Variants in GPATCH3 observed in about 807,000 individuals in gnomAD.
The protein encoded by GPATCH3 is G patch domain-containing protein 3.
A neutral mutation model predicts 53.2 loss-of-function variants in GPATCH3; 45 were observed. That is an observed-to-expected ratio of 0.85 (90% CI 0.67 to 1.08). The LOEUF is 1.08. Ranked by LOEUF, GPATCH3 falls within the 50% of genes least tolerant of loss-of-function variation. GPATCH3 has a pLI of 0.00. For synonymous variants in GPATCH3, 280 were observed against 270.6 expected, an observed-to-expected ratio of 1.03 and a Z score of -0.34; for missense variants, 680 against 687.2, an observed-to-expected ratio of 0.99 and a Z score of 0.12.
At chr1:26,898,146 T>A (rs2081959191) in intron 1 of GPATCH3, among the ~76,000 whole-genome samples, 1 of 151,878 alleles carries the variant, frequency 6.6e-6, no homozygotes, top group Non-Finnish European at 1.5e-5. Context: ...AATAAATAAA[T>A]AAATAATAAA....
intron 6 of GPATCH3, among the ~76,000 whole-genome samples, chr1:26,892,041 CCAT>C (rs1191281610): frequency 6.6e-6 from 1 of 151,928 alleles, no homozygotes; most frequent in Non-Finnish European, 1.5e-5. Flanking sequence ...GGGGATTTCA[CCAT>C]GTTGGCCAGG....
intron 4 of GPATCH3, among the ~76,000 whole-genome samples, 154 bp downstream of exon 4, chr1:26,893,235 C>T (rs562122139): frequency 2.6e-5 from 4 of 152,350 alleles, no homozygotes; most frequent in East Asian, 1.9e-4. Flanking sequence ...TTAATGTACA[C>T]AACCAAAGAT....
chr1:26,892,781 G>T lies in GPATCH3; in HGVS notation c.1122C>A (p.Asp374Glu), dbSNP rs781229154. The change falls in exon 5 of 7, where the codon GAC (aspartate) becomes GAA (glutamate). Residue 374 changes from aspartate to glutamate, a missense_variant. Coordinates refer to ENST00000361720, the MANE Select transcript of GPATCH3 (RefSeq NM_022078.3). ...MSVYYDRDGGDKDARDSVQMR... is the reference protein window; with the variant it reads ...MSVYYDRDGGEKDARDSVQMR... ...TTTGGACAGAGTCTCGGGCATCCTT[G>T]TCTCCACCATCTGAGGAAACAGAGC... 3 of 1,613,970 alleles carry T rather than the reference G, an allele frequency of 1.9e-6. No individual in the cohort carries two copies. The highest frequency in any genetic ancestry group is 2.2e-5 in the East Asian group (1 of 44,870).
intron 2 of GPATCH3, 24 bp downstream of exon 2, chr1:26,897,277 G>C: frequency 6.2e-7 from 1 of 1,603,018 alleles, no homozygotes; most frequent in African/African-American, 1.3e-5. Flanking sequence ...TGCCAGCAAG[G>C]ACAGGGTAGC....
rs138814947 is a variant in GPATCH3 at position 26,900,410 on chromosome 1, C to G, written c.33G>C (p.Ala11=). The change falls in exon 1 of 7, where the codon GCG becomes GCC. Residue 11 remains alanine, a synonymous_variant. Transcript: ENST00000361720. The part of the protein sequence containing the change: MAVPGEAEEE[A]TVYLVVSGIP... ...TACCGCTCACTACCAGGTAAACTGT[C>G]GCCTCCTCCTCCGCCTCGCCGGGCA... 1 of 1,611,374 alleles carries G rather than the reference C, an allele frequency of 6.2e-7. No individual in the cohort carries two copies. The highest frequency in any genetic ancestry group is 2.2e-5 in the East Asian group (1 of 44,834).
chr1:26,897,510 A>G lies in GPATCH3; in HGVS notation c.667T>C (p.Phe223Leu), dbSNP rs772066425. The G allele has an allele frequency of 6.2e-7, 1 of 1,614,142 alleles. No individual in the cohort carries two copies. Among genetic ancestry groups the G allele is most frequent in the Non-Finnish European group, 8.5e-7 (1 of 1,180,026 alleles). Residue 223 changes from phenylalanine to leucine, a missense_variant, in exon 2 of 7, where the codon TTC becomes CTC. Coordinates refer to ENST00000361720, the MANE Select transcript of GPATCH3 (RefSeq NM_022078.3). ...PRIITQLQLQ[F>L]PKTGSSRRYG... ...CGCCGGGAGGAACCTGTCTTGGGGA[A>G]CTGGAGCTGCAGCTGGGTGATGATC...
intron 6 of GPATCH3, 73 bp downstream of exon 6, chr1:26,892,338 C>A: frequency 6.4e-7 from 1 of 1,560,722 alleles, no homozygotes; most frequent in Admixed American, 1.7e-5. Context: ...CATGCCAAAA[C>A]CAGTGGGAAG....
At chr1:26,898,147 AAAT>A (rs2081959226) in intron 1 of GPATCH3, among the ~76,000 whole-genome samples, 1 of 151,992 alleles carries the variant, frequency 6.6e-6, no homozygotes, top group Admixed American at 6.6e-5. Context: ...ATAAATAAAT[AAAT>A]AATAAAATAA....
At chr1:26,893,694 T>C (rs1222242809) in intron 3 of GPATCH3, among the ~76,000 whole-genome samples, 1 of 152,116 alleles carries the variant, frequency 6.6e-6, no homozygotes, top group Non-Finnish European at 1.5e-5. Flanking sequence ...CTAATTTTTG[T>C]ATTTTTCATA....
rs753742166 is a variant in GPATCH3, at chr1:26,900,040, G to A, written c.403C>T (p.Pro135Ser). The A allele has an allele frequency of 3.1e-6, 5 of 1,614,056 alleles. No individual in the cohort carries two copies. Among genetic ancestry groups the A allele is most frequent in the Non-Finnish European group, 4.2e-6 (5 of 1,180,048 alleles). ...AGTCTGCGGATGAGACAGCGACCCG[G>A]TAGCCAAGTCCCGTGAGAATCCAGC... ...RWLDSHGTWLPGRCLIRRLRL... is the reference protein window; with the variant it reads ...RWLDSHGTWLSGRCLIRRLRL... The change falls in exon 1 of 7, where the codon CCG becomes TCG. Residue 135 changes from proline to serine, a missense_variant. Coordinates refer to ENST00000361720, the MANE Select transcript of GPATCH3 (RefSeq NM_022078.3).
chr1:26,893,487 G>T, intron 3 of GPATCH3, 39 bp from the exon 4 acceptor site: 7 of 1,428,024 alleles, frequency 4.9e-6, no homozygotes, highest in South Asian at 1.1e-5. Flanking sequence ...GTACATTAAG[G>T]ACTCTCAGTT....
rs770823730 is a variant in GPATCH3, at chr1:26,900,443, C to T, written c.-1G>A. The stretch of plus-strand genomic sequence containing the variant: ...CCTCCGCCTCGCCGGGCACCGCCAT[C>T]TTGGATTGTCACATGATCAGCTAGA... On this transcript the variant is annotated 5_prime_UTR_variant, in exon 1 of 7. Coordinates refer to ENST00000361720, the MANE Select transcript of GPATCH3 (RefSeq NM_022078.3). 5.6e-6 allele frequency: 9 copies of T among 1,607,922 alleles called. No individual in the cohort carries two copies. Among genetic ancestry groups the T allele is most frequent in the Non-Finnish European group, 7.7e-6 (9 of 1,176,268 alleles).
chr1:26,894,448 G>A (rs183238480), intron 2 of GPATCH3, 38 bp from the exon 3 acceptor site: 43 of 1,601,540 alleles, frequency 2.7e-5, no homozygotes, highest in Non-Finnish European at 3.6e-5. Flanking sequence ...TGAGCTTCCT[G>A]ACCTCATGCC....
intron 2 of GPATCH3, among the ~76,000 whole-genome samples, chr1:26,894,675 C>T (rs1306348821): frequency 6.6e-6 from 1 of 152,136 alleles, no homozygotes; most frequent in Non-Finnish European, 1.5e-5. Context: ...TCCTCTCCCA[C>T]ACCCTTCTCT....
rs781187931 is a variant in GPATCH3 at position 26,900,379 on chromosome 1, A to AG, written c.63dup (p.Ser22LeufsTer13). On this transcript the variant is annotated frameshift_variant, in exon 1 of 7. Transcript: ENST00000361720. LOFTEE classifies it high-confidence loss of function. ...CGTAAATGGGCCGAGCGCAACACGGAGGGGATACCGCTCACTACCAGGTAA... is the reference window on the plus strand; with the variant it reads ...CGTAAATGGGCCGAGCGCAACACGGAGGGGGATACCGCTCACTACCAGGTAA... 1 of 1,613,840 alleles carries AG rather than the reference A, an allele frequency of 6.2e-7. No homozygotes were observed. Among genetic ancestry groups the AG allele is most frequent in the Non-Finnish European group, 8.5e-7 (1 of 1,180,034 alleles).
chr1:26,892,329 A>G (rs2081931229), intron 6 of GPATCH3, 82 bp downstream of exon 6: 2 of 1,532,248 alleles, frequency 1.3e-6, no homozygotes, highest in African/African-American at 1.4e-5. Flanking sequence ...CCCAGCAGCC[A>G]TGCCAAAACC....
chr1:26,896,737 T>C (rs1479052527), intron 2 of GPATCH3, among the ~76,000 whole-genome samples: 1 of 138,362 alleles, frequency 7.2e-6, no homozygotes, highest in Non-Finnish European at 1.6e-5. Context: ...AGAGGAACCA[T>C]CCTGGCCAGG....
intron 2 of GPATCH3, among the ~76,000 whole-genome samples, chr1:26,896,034 A>T (rs1220369927): frequency 2.6e-5 from 4 of 152,222 alleles, no homozygotes; most frequent in African/African-American, 9.6e-5. Context: ...ATGGATGTGC[A>T]ACCAAGTTTG....
At chr1:26,899,244 C>A (rs1481410101) in intron 1 of GPATCH3, among the ~76,000 whole-genome samples, 1 of 152,182 alleles carries the variant, frequency 6.6e-6, no homozygotes, top group Non-Finnish European at 1.5e-5. Flanking sequence ...TCTGTAACCT[C>A]AGGCAAGTCA....
Sources: gnomAD v4.1 joint callset for allele counts (sites outside exome capture counted in the v4.1 genomes callset) on GRCh38, gnomAD v4.1.1 for gene constraint, MANE v1.5 for transcripts, NCBI Gene and HGNC (gene_info 2026-07-23, HGNC 2026-07-21) for gene names.